Variants in KCNMA1 observed in about 807,000 individuals in gnomAD.
KCNMA1 encodes potassium calcium-activated channel subfamily M alpha 1, also known as Calcium-activated potassium channel subunit alpha-1.
KCNMA1 carries 29 observed loss-of-function variants against 140.0 expected under a neutral mutation model. That is an observed-to-expected ratio of 0.21 (90% confidence interval 0.15 to 0.28). The LOEUF (loss-of-function observed/expected upper bound fraction) is 0.28. Ranked by LOEUF, KCNMA1 falls within the 10% of genes least tolerant of loss-of-function variation. The pLI is 1.00. For missense variants in KCNMA1, 880 were observed against 1,602.2 expected (o/e 0.55, Z 7.70); for synonymous variants, 612 against 611.9 (o/e 1.00, Z 0.00).
chr10:77,355,938 C>T (rs181482021), intron 2 of KCNMA1, among the ~76,000 whole-genome samples: 6 of 152,224 alleles, frequency 3.9e-5, no homozygotes, highest in Admixed American at 1.3e-4. Context: ...AAAAAACGAC[C>T]CCCTGTACAC....
chr10:77,205,916 A>G (rs964676741), intron 3 of KCNMA1, among the ~76,000 whole-genome samples: 9 of 152,246 alleles, frequency 5.9e-5, no homozygotes, highest in Non-Finnish European at 8.8e-5. Flanking sequence ...ACTATTTGTA[A>G]CTATATGAGC....
chr10:77,575,985 T>G (rs1044278869), intron 1 of KCNMA1, among the ~76,000 whole-genome samples: 2 of 152,242 alleles, frequency 1.3e-5, no homozygotes, highest in African/African-American at 4.8e-5. Context: ...GATCCAGTGC[T>G]CAAGGCCCAT....
chr10:77,243,167 T>C (rs2057718260), intron 3 of KCNMA1, among the ~76,000 whole-genome samples: 1 of 150,212 alleles, frequency 6.7e-6, no homozygotes, highest in Non-Finnish European at 1.5e-5. Context: ...ATGAACCCCA[T>C]GATAAAGCTG....
intron 1 of KCNMA1, among the ~76,000 whole-genome samples, chr10:77,408,052 G>A (rs560886924): frequency 6.6e-6 from 1 of 152,216 alleles, no homozygotes; most frequent in African/African-American, 2.4e-5. Context: ...GGACAGCTGG[G>A]GCAGGGATTC....
rs73284504 is a variant in KCNMA1 at position 76,963,319 on chromosome 10, G to C, written c.2360+6655C>G. ...CAGAAATGCAAATTTCCAATCCCCAGGCCAGATCTGCTGAATTAGACTGTG... is the reference window on the plus strand; with the variant it reads ...CAGAAATGCAAATTTCCAATCCCCACGCCAGATCTGCTGAATTAGACTGTG... On this transcript the variant is annotated intron_variant, in intron 20 of 27. Transcript: ENST00000286628. Among the ~76,000 whole-genome samples, 616 of 152,268 alleles carry C rather than the reference G, an allele frequency of 4.0e-3. 5 individuals are homozygous for C. Among genetic ancestry groups the C allele is most frequent in the African/African-American group, 0.014 (594 of 41,550 alleles).
At chr10:76,895,030 C>T (rs978620806) in intron 25 of KCNMA1, among the ~76,000 whole-genome samples, 1 of 152,228 alleles carries the variant, frequency 6.6e-6, no homozygotes, top group African/African-American at 2.4e-5. Context: ...TAGTTAAAGA[C>T]TGACCCGCAC....
chr10:77,059,652 T>C (rs927849881), intron 14 of KCNMA1, among the ~76,000 whole-genome samples: 1 of 152,082 alleles, frequency 6.6e-6, no homozygotes, highest in Non-Finnish European at 1.5e-5. Flanking sequence ...TCAACCTCCA[T>C]TCATGATTGA....
chr10:77,215,660 C>G (rs150724307), intron 3 of KCNMA1, among the ~76,000 whole-genome samples: 3 of 152,102 alleles, frequency 2.0e-5, no homozygotes, highest in Non-Finnish European at 4.4e-5. Flanking sequence ...AGTTAAACAT[C>G]GAGATACCAT....
chr10:76,946,668 A>G (rs1292900038), intron 22 of KCNMA1, among the ~76,000 whole-genome samples: 1 of 152,202 alleles, frequency 6.6e-6, no homozygotes, highest in Non-Finnish European at 1.5e-5. Flanking sequence ...TTGGTACAAA[A>G]CAAGTCCAAC....
intron 2 of KCNMA1, among the ~76,000 whole-genome samples, chr10:77,391,390 C>A (rs2095815659): frequency 6.6e-6 from 1 of 152,158 alleles, no homozygotes; most frequent in Non-Finnish European, 1.5e-5. Flanking sequence ...GCCAATTTTA[C>A]AAACTGAAAT....
chr10:77,272,645 T>C (rs2065487165), intron 2 of KCNMA1, among the ~76,000 whole-genome samples: 1 of 151,838 alleles, frequency 6.6e-6, no homozygotes, highest in East Asian at 1.9e-4. Context: ...AATATATATA[T>C]ATATACACAT....
At chr10:77,494,835 G>C (rs1360138412) in intron 1 of KCNMA1, among the ~76,000 whole-genome samples, 1 of 152,190 alleles carries the variant, frequency 6.6e-6, no homozygotes, top group African/African-American at 2.4e-5. Context: ...GGGCTGTGAG[G>C]GCACATGTGT....
chr10:76,901,038 G>GAT (rs1410494706), intron 25 of KCNMA1, among the ~76,000 whole-genome samples: 1 of 152,028 alleles, frequency 6.6e-6, no homozygotes. Context: ...AAAATTTAGT[G>GAT]ATAAATCGAT....
At chr10:77,548,317 C>T (rs1466502147) in intron 1 of KCNMA1, among the ~76,000 whole-genome samples, 1 of 152,200 alleles carries the variant, frequency 6.6e-6, no homozygotes, top group African/African-American at 2.4e-5. Flanking sequence ...ACCCTGCAAC[C>T]ACGCCCAACA....
At chr10:77,514,608 T>C (rs1212653687) in intron 1 of KCNMA1, among the ~76,000 whole-genome samples, 1 of 152,172 alleles carries the variant, frequency 6.6e-6, no homozygotes, top group East Asian at 1.9e-4. Flanking sequence ...GGACCCTGTA[T>C]TACTGGGTAT....
chr10:77,129,480 C>T (rs1308012103), intron 5 of KCNMA1, among the ~76,000 whole-genome samples: 1 of 152,066 alleles, frequency 6.6e-6, no homozygotes, highest in Admixed American at 6.6e-5. Context: ...TAATTTAAAA[C>T]CAGTAATCTA....
intron 2 of KCNMA1, among the ~76,000 whole-genome samples, chr10:77,322,282 T>G (rs1472029510): frequency 2.0e-5 from 3 of 152,196 alleles, no homozygotes; most frequent in African/African-American, 7.2e-5. Flanking sequence ...TATTTGATGG[T>G]TATTAAATCT....
At chr10:76,875,142 C>T (rs1335515075), downstream of KCNMA1, 1 of 152,218 alleles carries the variant, frequency 6.6e-6, no homozygotes, top group Non-Finnish European at 1.5e-5. Context: ...AGTGATTTCA[C>T]AAATGTTATT....
intron 3 of KCNMA1, among the ~76,000 whole-genome samples, chr10:77,241,878 A>G (rs2057356335): frequency 6.6e-6 from 1 of 152,160 alleles, no homozygotes; most frequent in African/African-American, 2.4e-5. Context: ...TCTTATACCA[A>G]TGCAGCCGCA....
Sources: gnomAD v4.1 joint callset for allele counts (sites outside exome capture counted in the v4.1 genomes callset) on GRCh38, gnomAD v4.1.1 for gene constraint, MANE v1.5 for transcripts, NCBI Gene and HGNC (gene_info 2026-07-23, HGNC 2026-07-21) for gene names.